The following ZNF713 variants were observed in gnomAD, a reference collection of about 807,000 sequenced individuals.
ZNF713 encodes the protein zinc finger protein 713.
In ZNF713, 21 loss-of-function variants were observed where a neutral mutation model predicts 28.7. The ratio of observed to expected loss-of-function variants is 0.73; its 90% CI spans 0.52 to 1.05. The LOEUF (loss-of-function observed/expected upper bound fraction) is 1.05, where lower values mean the gene tolerates loss of function less well. ZNF713 is among the 50% of genes least tolerant of loss of function. The pLI, the probability that ZNF713 is intolerant of heterozygous loss-of-function variation, is 0.00. For synonymous variants in ZNF713, 167 were observed against 178.0 expected (o/e 0.94, Z 0.49); for missense variants, 458 against 532.4 (o/e 0.86, Z 1.37).
At chr7:55,918,757 G>T (rs1456258812) in intron 4 of ZNF713, among the ~76,000 whole-genome samples, 1 of 152,098 alleles carries the variant, frequency 6.6e-6, no homozygotes, top group Non-Finnish European at 1.5e-5. Flanking sequence ...CCAGCACTTT[G>T]GGAGGCCAAG....
Position 55,900,486 on chromosome 7 carries a change from A to T in ZNF713, c.-582-5767A>T, listed in dbSNP as rs201967595. ...CCATTTCAAAAAAAAAAAATGTGGT[A>T]TATATACACAATGGAATACTATTCA... On this transcript the variant is annotated intron_variant, in intron 1 of 6. Transcript: ENST00000429591. Among the ~76,000 whole-genome samples, 15 of 152,218 alleles carry T rather than the reference A, an allele frequency of 9.9e-5. No individual in the cohort carries two copies. In the East Asian group the frequency reaches 2.9e-3, roughly 29 times the overall value.
In ZNF713 at chr7:55,941,736, T is replaced by C. The variant is rs1786475027; in HGVS notation, c.*1730T>C. 1 of 152,162 alleles carries C rather than the reference T, an allele frequency of 6.6e-6. No individual in the cohort carries two copies. The highest frequency in any genetic ancestry group is 1.5e-5 in the Non-Finnish European group (1 of 68,030). 9.4% of individuals were successfully genotyped at this position (152,162 alleles called of 1,614,324 possible). A position where few individuals can be genotyped will look rare whatever the true frequency, so the allele number is the denominator to read the frequency against. ...TCTACTCTTCATCAAAATAGATACA[T>C]AACCTTGAAATTAAAAATATTCGTT... On this transcript the variant is annotated 3_prime_UTR_variant, in exon 7 of 7. Transcript: ENST00000429591.
rs115956966 is a variant in ZNF713, at chr7:55,918,577, G to A, written c.88-4585G>A. On this transcript the variant is annotated intron_variant, in intron 4 of 6. Transcript: ENST00000429591. ...GAGTGAAATAATAAAGGGCCTCAAG[G>A]CGAGTTAATGGAAAACTAAAGGGCC... is the stretch of plus-strand genomic sequence containing the variant. Among the ~76,000 whole-genome samples the A allele has an allele frequency of 5.1e-3, 783 of 152,286 alleles. 4 individuals carry two copies. The highest frequency in any genetic ancestry group is 0.018 in the African/African-American group (752 of 41,564).
chr7:55,933,828 T>C (rs545037039), intron 6 of ZNF713, among the ~76,000 whole-genome samples: 3 of 152,188 alleles, frequency 2.0e-5, no homozygotes, highest in East Asian at 3.9e-4. Context: ...CCTCATCCTC[T>C]CCAGTAACTG....
intron 4 of ZNF713, among the ~76,000 whole-genome samples, chr7:55,917,795 C>A (rs1365805632): frequency 6.6e-6 from 1 of 152,022 alleles, no homozygotes; most frequent in Admixed American, 6.5e-5. Context: ...TTCATCTGTA[C>A]TGCAAACAAG....
chr7:55,928,505 A>C (rs1037920187), intron 6 of ZNF713, among the ~76,000 whole-genome samples: 1 of 152,204 alleles, frequency 6.6e-6, no homozygotes, highest in African/African-American at 2.4e-5. Context: ...TGAGTAAGGC[A>C]GGAGAGTGTT....
At chr7:55,936,135 T>C (rs896286537) in intron 6 of ZNF713, among the ~76,000 whole-genome samples, 4 of 147,860 alleles carry the variant, frequency 2.7e-5, no homozygotes, top group African/African-American at 1.0e-4. Context: ...CATGATAGTG[T>C]GCACCTGTAG....
chr7:55,923,393 G>T, intron 5 of ZNF713, 105 bp downstream of exon 5: 2 of 1,438,962 alleles, frequency 1.4e-6, no homozygotes, highest in Non-Finnish European at 1.9e-6. Flanking sequence ...GGCTGGGATA[G>T]AAGAATGCTA....
chr7:55,890,785 C>T (rs1209840353), intron 1 of ZNF713, among the ~76,000 whole-genome samples: 1 of 151,844 alleles, frequency 6.6e-6, no homozygotes, highest in African/African-American at 2.4e-5. Context: ...TTTGGGAGGC[C>T]GAGGTGGATG....
chr7:55,899,601 G>A (rs1385014061), intron 1 of ZNF713, among the ~76,000 whole-genome samples: 1 of 151,704 alleles, frequency 6.6e-6, no homozygotes, highest in Non-Finnish European at 1.5e-5. Flanking sequence ...GAACCCAGGA[G>A]GCAGAGGTTG....
intron 2 of ZNF713, among the ~76,000 whole-genome samples, chr7:55,906,624 C>T (rs745868917): frequency 6.6e-6 from 1 of 152,034 alleles, no homozygotes; most frequent in Non-Finnish European, 1.5e-5. Flanking sequence ...AAGGGATTGG[C>T]AGTGTGGCAC....
chr7:55,899,270 G>A (rs556516821), intron 1 of ZNF713, among the ~76,000 whole-genome samples: 46 of 148,184 alleles, frequency 3.1e-4, no homozygotes, highest in African/African-American at 1.1e-3. Context: ...GGAGAATGGC[G>A]TGAACCCGGG....
chr7:55,923,554 A>G, intron 5 of ZNF713, 53 bp from the exon 6 acceptor site: 3 of 1,469,694 alleles, frequency 2.0e-6, no homozygotes, highest in Non-Finnish European at 1.9e-6. Flanking sequence ...AGTGTGTCTG[A>G]GAATTTTGTT....
chr7:55,899,044 A>G (rs1447523288), intron 1 of ZNF713, among the ~76,000 whole-genome samples: 1 of 152,196 alleles, frequency 6.6e-6, no homozygotes, highest in Non-Finnish European at 1.5e-5. Context: ...ACAGCAAACT[A>G]CAGGAGTTCC....
rs112464141 is a variant in ZNF713 at position 55,912,696 on chromosome 7, T to C, written c.60T>C (p.Asn20=). 17 of 1,613,684 alleles carry C rather than the reference T, an allele frequency of 1.1e-5. 1 individual carries two copies. The African/African-American group carries it at 1.5e-4, about 14-fold the overall frequency. The change falls in exon 4 of 7, where the codon AAT becomes AAC. Residue 20 remains asparagine (N), a synonymous_variant. Transcript: ENST00000429591. ...QEGNMEEEEM[N]DGSQMVRSQE... ...GGAACATGGAGGAGGAAGAAATGAATGATGGCTCACAGATGGTGAGATCTC... is the reference window on the plus strand; with the variant it reads ...GGAACATGGAGGAGGAAGAAATGAACGATGGCTCACAGATGGTGAGATCTC...
chr7:55,887,756 GGAGGCGGGGGGC>G (rs1562731199), intron 1 of ZNF713, 76 bp downstream of exon 1: 38 of 2,422 alleles, frequency 0.016, 8 homozygotes, highest in East Asian at 0.038. Context: ...GGCGGGGGGC[GGAGGCGGGGGGC>G]GGAGGCGGGG....
chr7:55,889,181 A>C (rs888505798), intron 1 of ZNF713, among the ~76,000 whole-genome samples: 3 of 149,330 alleles, frequency 2.0e-5, no homozygotes, highest in Non-Finnish European at 3.0e-5. Flanking sequence ...CGCTCACCGC[A>C]ACCTCTGCCT....
In ZNF713 at chr7:55,940,205, C is replaced by T. The variant is rs192079680; in HGVS notation, c.*199C>T. On this transcript the variant is annotated 3_prime_UTR_variant, in exon 7 of 7. Coordinates refer to ENST00000429591, the MANE Select transcript of ZNF713 (RefSeq NM_182633.3). ...TGGTACAATCTTGGCTCACTGCAACCTCTGCCACCTGGGTTCAAGCGATTC... is the reference window on the plus strand; with the variant it reads ...TGGTACAATCTTGGCTCACTGCAACTTCTGCCACCTGGGTTCAAGCGATTC... The T allele has an allele frequency of 2.1e-6, 2 of 938,762 alleles. No homozygotes were observed. The highest frequency in any genetic ancestry group is 3.4e-5 in the African/African-American group (2 of 58,948). The allele number at this position is 938,762 out of a possible 1,614,324, so 58.2% of individuals were successfully genotyped here.
chr7:55,889,178 C>T (rs1002293947), intron 1 of ZNF713, among the ~76,000 whole-genome samples: 6 of 151,480 alleles, frequency 4.0e-5, no homozygotes, highest in African/African-American at 4.9e-5. Flanking sequence ...CTCCGCTCAC[C>T]GCAACCTCTG....
Sources: gnomAD v4.1 joint callset for allele counts (sites outside exome capture counted in the v4.1 genomes callset) on GRCh38, gnomAD v4.1.1 for gene constraint, MANE v1.5 for transcripts, NCBI Gene and HGNC (gene_info 2026-07-23, HGNC 2026-07-21) for gene names.